NRXN3: variants seen among roughly 807,000 people sequenced by gnomAD.
NRXN3 encodes the protein neurexin III.
NRXN3 carries 32 observed loss-of-function variants against 137.6 expected under a neutral mutation model. The observed-to-expected ratio is 0.23, with a 90% CI of 0.18 to 0.31. The LOEUF (loss-of-function observed/expected upper bound fraction) is 0.31. NRXN3 is among the 10% of genes least tolerant of loss of function. NRXN3 has a pLI of 1.00. For missense variants in NRXN3, 1,574 were observed against 2,062.5 expected (o/e 0.76, Z 4.59); for synonymous variants, 798 against 784.5 (o/e 1.02, Z -0.29).
At chr14:78,390,025 A>G (rs538299351) in intron 4 of NRXN3, among the ~76,000 whole-genome samples, 1 of 152,208 alleles carries the variant, frequency 6.6e-6, no homozygotes, top group Non-Finnish European at 1.5e-5. Context: ...GCTTTTGTAT[A>G]TATGAGGTTC....
rs78301230 is a variant in NRXN3, at chr14:78,570,971, C to T, written c.758-74149C>T. ...GAGGAGAAATCCTCTCTGATGGTGG[C>T]AGGGGTGGGGACAGCAGCCCCGCTG... On this transcript the variant is annotated intron_variant, in intron 4 of 20. Coordinates refer to ENST00000335750, the MANE Select transcript of NRXN3 (RefSeq NM_001330195.2). Among the ~76,000 whole-genome samples the T allele has an allele frequency of 3.2e-3, 493 of 152,230 alleles. 4 individuals are homozygous for T. The highest frequency in any genetic ancestry group is 0.011 in the African/African-American group (455 of 41,550).
At chr14:79,355,469 C>A (rs2093390746) in intron 15 of NRXN3, among the ~76,000 whole-genome samples, 1 of 152,120 alleles carries the variant, frequency 6.6e-6, no homozygotes, top group Non-Finnish European at 1.5e-5. Flanking sequence ...TGTTTATTAA[C>A]CTATTTTACC....
intron 19 of NRXN3, among the ~76,000 whole-genome samples, chr14:79,763,056 C>T: frequency 6.8e-6 from 1 of 148,040 alleles, no homozygotes; most frequent in South Asian, 2.2e-4. Flanking sequence ...ATGTGATGTT[C>T]CCCCCTCCCT....
chr14:78,593,359 G>A (rs1422913234), intron 4 of NRXN3, among the ~76,000 whole-genome samples: 1 of 152,134 alleles, frequency 6.6e-6, no homozygotes, highest in Non-Finnish European at 1.5e-5. Context: ...AATGAGCATG[G>A]AGGCCTTCTG....
chr14:78,379,175 G>C (rs1002761660), intron 4 of NRXN3, among the ~76,000 whole-genome samples: 4 of 152,096 alleles, frequency 2.6e-5, no homozygotes, highest in African/African-American at 9.7e-5. Context: ...ATTGTACTGA[G>C]AATTCTACCA....
intron 15 of NRXN3, among the ~76,000 whole-genome samples, chr14:79,127,203 G>T (rs1369269448): frequency 3.9e-5 from 6 of 152,056 alleles, no homozygotes; most frequent in African/African-American, 1.2e-4. Context: ...GTCAATTTTG[G>T]CTTTGGTTGC....
intron 6 of NRXN3, among the ~76,000 whole-genome samples, chr14:78,671,685 A>C (rs1416057082): frequency 2.0e-5 from 3 of 152,120 alleles, no homozygotes; most frequent in East Asian, 3.8e-4. Context: ...TGTGTTTTGC[A>C]TTTATATTCT....
intron 15 of NRXN3, among the ~76,000 whole-genome samples, chr14:79,425,948 T>C (rs911594351): frequency 1.3e-5 from 2 of 149,282 alleles, no homozygotes; most frequent in African/African-American, 5.0e-5. Flanking sequence ...AAAAGAGAAA[T>C]GGATAGAAAG....
chr14:79,456,940 G>A (rs980477278), intron 15 of NRXN3, among the ~76,000 whole-genome samples: 8 of 151,816 alleles, frequency 5.3e-5, no homozygotes, highest in African/African-American at 1.7e-4. Context: ...ATTTTCTCAT[G>A]ACTTTCTCCC....
chr14:79,115,306 G>A (rs1487082608), intron 15 of NRXN3, among the ~76,000 whole-genome samples: 1 of 104,140 alleles, frequency 9.6e-6, no homozygotes, highest in Admixed American at 1.3e-4. Flanking sequence ...GCCTGGGCAA[G>A]AAGAACGAAA....
At chr14:78,619,744 G>T (rs529520808) in intron 4 of NRXN3, among the ~76,000 whole-genome samples, 2 of 151,950 alleles carry the variant, frequency 1.3e-5, no homozygotes, top group East Asian at 1.9e-4. Flanking sequence ...ATTTCCTGAG[G>T]TTTCCCAAGC....
chr14:79,463,482 A>T (rs900867789), intron 15 of NRXN3, among the ~76,000 whole-genome samples: 2 of 152,138 alleles, frequency 1.3e-5, no homozygotes, highest in Admixed American at 6.5e-5. Flanking sequence ...AGTTAAAAAA[A>T]AAAGAGTCAT....
intron 15 of NRXN3, among the ~76,000 whole-genome samples, chr14:79,427,133 T>C (rs1301159349): frequency 1.3e-5 from 2 of 152,092 alleles, no homozygotes; most frequent in Non-Finnish European, 2.9e-5. Context: ...TTGACCTGCT[T>C]TTTAAGAGGC....
At chr14:79,728,893 G>A (rs574438893) in intron 19 of NRXN3, among the ~76,000 whole-genome samples, 9 of 152,296 alleles carry the variant, frequency 5.9e-5, no homozygotes, top group Non-Finnish European at 1.3e-4. Context: ...AACTCCAGAT[G>A]CCAAATTGTA....
intron 1 of NRXN3, among the ~76,000 whole-genome samples, chr14:78,172,126 A>G (rs2058783525): frequency 2.0e-5 from 3 of 151,912 alleles, no homozygotes; most frequent in African/African-American, 4.8e-5. Context: ...GAGAGGGGGC[A>G]CTCCTTGTCA....
intron 1 of NRXN3, among the ~76,000 whole-genome samples, chr14:78,177,584 G>A (rs905456498): frequency 5.9e-5 from 9 of 151,992 alleles, no homozygotes; most frequent in Admixed American, 3.3e-4. Flanking sequence ...AAAGTGTCCC[G>A]GTTTGGATGA....
chr14:78,915,587 G>T (rs1273907852), intron 10 of NRXN3, among the ~76,000 whole-genome samples: 3 of 152,012 alleles, frequency 2.0e-5, no homozygotes, highest in African/African-American at 7.2e-5. Flanking sequence ...AAAATATATA[G>T]AAATAAATAG....
At chr14:79,162,144 A>G (rs1407416701) in intron 15 of NRXN3, among the ~76,000 whole-genome samples, 1 of 139,020 alleles carries the variant, frequency 7.2e-6, no homozygotes, top group African/African-American at 2.7e-5. Context: ...CTTTTTTTTT[A>G]ATTTATTATT....
At chr14:78,843,602 G>A (rs1306219332) in intron 10 of NRXN3, among the ~76,000 whole-genome samples, 1 of 152,106 alleles carries the variant, frequency 6.6e-6, no homozygotes, top group Non-Finnish European at 1.5e-5. Context: ...TGCTTCTTCA[G>A]TGTCAAAGTA....
Sources: allele counts gnomAD v4.1 joint callset (sites outside exome capture counted in the v4.1 genomes callset), GRCh38; gene constraint gnomAD v4.1.1; transcripts MANE v1.5; gene names NCBI Gene and HGNC (gene_info 2026-07-23, HGNC 2026-07-21).